The following TPPP2 variants were observed in gnomAD, a reference collection of about 807,000 sequenced individuals.
TPPP2 encodes tubulin polymerization promoting protein family member 2, also known as tubulin polymerization-promoting protein family member 2.
In TPPP2, 8 loss-of-function variants were observed where a neutral mutation model predicts 13.0. The ratio of observed to expected loss-of-function variants is 0.62; its 90% CI spans 0.36 to 1.11. TPPP2 has a LOEUF of 1.11. TPPP2 is among the 50% of genes most tolerant of loss of function. The pLI, the probability that TPPP2 is intolerant of heterozygous loss-of-function variation, is 0.02. For synonymous variants in TPPP2, 81 were observed against 81.8 expected, an observed-to-expected ratio of 0.99 and a Z score of 0.05; for missense variants, 213 against 216.9, an observed-to-expected ratio of 0.98 and a Z score of 0.11.
rs747858464 is a variant in TPPP2, at chr14:21,030,317, G to A, written c.-70+13G>A. ...CGGGTACTCTAAGGTACATAAAAGA[G>A]GTAGGGGAAAGAGAGGATCATTCAG... On this transcript the variant is annotated intron_variant, in intron 1 of 3. Transcript: ENST00000321760. 2.2e-6 allele frequency: 1 copy of A among 454,460 alleles called. No individual in the cohort carries two copies. Among genetic ancestry groups the A allele is most frequent in the Non-Finnish European group, 4.0e-6 (1 of 248,916 alleles). The allele number at this position is 454,460 out of a possible 1,614,324, so 28.2% of individuals were successfully genotyped here.
At chr14:21,033,080 G>T (rs771029764), downstream of TPPP2, 1 of 432,878 alleles carries the variant, frequency 2.3e-6, no homozygotes, top group Admixed American at 2.7e-5. Context: ...TGGGGAATGG[G>T]TGAGAGAAGA....
upstream of TPPP2, chr14:21,025,662 C>G (rs928085292): frequency 2.0e-6 from 2 of 985,224 alleles, no homozygotes; most frequent in Admixed American, 1.2e-4. The surrounding 1 kb of genome is among the most constrained non-coding windows in gnomAD (Gnocchi z 5.1). Context: ...TCCCTCGTGC[C>G]CAGAGTCCTG....
intron 1 of TPPP2, chr14:21,024,890 C>A (rs1882985719): frequency 2.0e-6 from 2 of 985,474 alleles, no homozygotes; most frequent in Non-Finnish European, 1.2e-6. Flanking sequence ...AGCCTTTGTG[C>A]GCAGCAACCG....
intron 1 of TPPP2, chr14:21,024,351 G>C: frequency 1.0e-6 from 1 of 971,810 alleles, no homozygotes; most frequent in Non-Finnish European, 1.2e-6. Flanking sequence ...GGAGGTAAGA[G>C]GGTGGCCCTG....
downstream of TPPP2, chr14:21,033,605 C>T (rs1319688647): frequency 8.5e-6 from 5 of 587,752 alleles, no homozygotes; most frequent in South Asian, 2.0e-5. Flanking sequence ...GAGGTGGGGG[C>T]GAAGAGGGGG....
At chr14:21,024,765 T>C (rs1428789128) in intron 1 of TPPP2, 1 of 985,500 alleles carries the variant, frequency 1.0e-6, no homozygotes, top group Non-Finnish European at 1.2e-6. Context: ...TACGAGTCCC[T>C]ACGCAGCCCG....
chr14:21,032,000 C>T lies in TPPP2; in HGVS notation c.436C>T (p.Arg146Trp), dbSNP rs145774307. 9.0e-5 allele frequency: 145 copies of T among 1,613,980 alleles called. No individual in the cohort carries two copies. Among genetic ancestry groups the T allele is most frequent in the Middle Eastern group, 3.3e-4 (2 of 6,082 alleles). Residue 146 changes from arginine to tryptophan, a missense_variant, in exon 4 of 4, where the codon CGG (arginine) becomes TGG (tryptophan). Arg to Trp is a moderately radical substitution (Grantham distance 101). Coordinates refer to ENST00000321760, the MANE Select transcript of TPPP2 (RefSeq NM_173846.5). ...ESGKGKGIAGREEMTDNTGYV... is the reference protein window; with the variant it reads ...ESGKGKGIAGWEEMTDNTGYV... ...TGGCAAGGGCAAGGGCATTGCGGGA[C>T]GGGAAGAGATGACTGACAACACAGG...
rs1390798060 is a variant in TPPP2, at chr14:21,030,268, G to C, written c.-106G>C. ...TATCTGCACACACTTAAATACAAAG[G>C]CCGGGAAGGGTCAGACCACCATCCG... On this transcript the variant is annotated 5_prime_UTR_variant, in exon 1 of 4. Coordinates refer to ENST00000321760, the MANE Select transcript of TPPP2 (RefSeq NM_173846.5). 1.3e-5 allele frequency: 4 copies of C among 304,522 alleles called. No homozygotes were observed. Among genetic ancestry groups the C allele is most frequent in the Non-Finnish European group, 2.5e-5 (4 of 158,790 alleles). 18.9% of individuals were successfully genotyped at this position (304,522 alleles called of 1,614,324 possible). A position where few individuals can be genotyped will look rare whatever the true frequency, so the allele number is the denominator to read the frequency against.
Position 21,030,673 on chromosome 14 carries a change from C to T in TPPP2, c.92C>T (p.Ser31Phe), listed in dbSNP as rs1254283984. The T allele has an allele frequency of 1.9e-6, 3 of 1,614,016 alleles. No individual in the cohort carries two copies. The highest frequency in any genetic ancestry group is 2.7e-5 in the African/African-American group (2 of 74,916). The change falls in exon 2 of 4, where the codon TCC becomes TTC. Residue 31 changes from serine to phenylalanine, a missense_variant. Transcript: ENST00000321760. Reference protein sequence around the residue: ...SGTEMNNKNFSKLCKDCGIMD... With the variant: ...SGTEMNNKNFFKLCKDCGIMD... ...ACTGAAATGAACAACAAGAACTTCTCCAAGCTGTGCAAAGACTGTGGCATC... is the reference window on the plus strand; with the variant it reads ...ACTGAAATGAACAACAAGAACTTCTTCAAGCTGTGCAAAGACTGTGGCATC...
Position 21,031,071 on chromosome 14 carries a change from G to T in TPPP2, c.233G>T (p.Gly78Val), listed in dbSNP as rs375701695. 1 of 1,614,160 alleles carries T rather than the reference G, an allele frequency of 6.2e-7. No individual in the cohort carries two copies. Among genetic ancestry groups the T allele is most frequent in the South Asian group, 1.1e-5 (1 of 91,074 alleles). ...TTCAAAGAGGCAGTGAAGGAACTGGGCCAGAAGCGCTTCAAAGGGAAGAGT... is the reference window on the plus strand; with the variant it reads ...TTCAAAGAGGCAGTGAAGGAACTGGTCCAGAAGCGCTTCAAAGGGAAGAGT... ...QQFKEAVKEL[G>V]QKRFKGKSPD... The change falls in exon 3 of 4, where the codon GGC becomes GTC. Residue 78 changes from glycine (G) to valine (V), a missense_variant. By Grantham distance (109) the Gly-to-Val change is moderately radical. Transcript: ENST00000321760.
At chr14:21,028,578 A>G (rs993222461), upstream of TPPP2, 1 of 152,156 alleles carries the variant, frequency 6.6e-6, no homozygotes, top group African/African-American at 2.4e-5. Context: ...AGTTAGTTGT[A>G]TAGGTCCTTG....
chr14:21,032,226 G>C lies in TPPP2; in HGVS notation c.*149G>C, dbSNP rs3818611. The C allele has an allele frequency of 0.028, 23,753 of 834,216 alleles. 850 individuals carry two copies. Among genetic ancestry groups the C allele is most frequent in the East Asian group, 0.11 (4,171 of 37,276 alleles). 51.7% of individuals were successfully genotyped at this position (834,216 alleles called of 1,614,324 possible). ...CCTACTAGTGTAGAGAGAGGGAGAAGAGGCAGCACAGGAGGGTGGGTTCTC... is the reference window on the plus strand; with the variant it reads ...CCTACTAGTGTAGAGAGAGGGAGAACAGGCAGCACAGGAGGGTGGGTTCTC... On this transcript the variant is annotated 3_prime_UTR_variant, in exon 4 of 4. Transcript: ENST00000321760.
intron 1 of TPPP2, chr14:21,024,630 G>T: frequency 1.0e-6 from 1 of 984,180 alleles, no homozygotes; most frequent in Non-Finnish European, 1.2e-6. Flanking sequence ...GTGGAGAAAG[G>T]GAGAGGAGAG....
chr14:21,025,731 T>G (rs903664465), upstream of TPPP2: 12 of 983,602 alleles, frequency 1.2e-5, 1 homozygote, highest in South Asian at 3.8e-4. This position sits in a 1 kb window ranked among gnomAD's most constrained non-coding sequence, Gnocchi z 5.1. Flanking sequence ...CCGGGAGAAG[T>G]TGGACAACAA....
Sources: gnomAD v4.1 joint callset for allele counts on GRCh38, gnomAD v4.1.1 for gene constraint, Gnocchi (gnomAD v3.1) non-coding constraint, MANE v1.5 for transcripts, NCBI Gene and HGNC (gene_info 2026-07-23, HGNC 2026-07-21) for gene names.